The following UGT1A9 variants were observed in gnomAD, a reference collection of about 807,000 sequenced individuals.
UGT1A9 encodes UDP glucuronosyltransferase family 1 member A9.
A neutral mutation model predicts 45.0 loss-of-function variants in UGT1A9; 35 were observed. The ratio of observed to expected loss-of-function variants is 0.78; its 90% confidence interval spans 0.59 to 1.03. The LOEUF is 1.03. Among genes scored for constraint, UGT1A9 ranks in the 50% least tolerant of loss-of-function variants. The pLI, the probability that UGT1A9 is intolerant of heterozygous loss-of-function variation, is 0.00. For synonymous variants in UGT1A9, 278 were observed against 250.6 expected (o/e 1.11, Z -1.03); for missense variants, 687 against 666.6 (o/e 1.03, Z -0.34).
In UGT1A9 at chr2:233,746,936, G is replaced by T. The variant is rs185798867; in HGVS notation, c.856-20098G>T. 1.2e-3 allele frequency among the ~76,000 whole-genome samples: 184 copies of T among 151,904 alleles called. 4 individuals carry two copies. Among genetic ancestry groups the T allele is most frequent in the African/African-American group, 4.2e-3 (172 of 41,190 alleles). ...TTCCACAGGCCTTTGTTGGGAATTGGATGAGAAACAAGAGCTTGAACTTGG... is the reference window on the plus strand; with the variant it reads ...TTCCACAGGCCTTTGTTGGGAATTGTATGAGAAACAAGAGCTTGAACTTGG... On this transcript the variant is annotated intron_variant, in intron 1 of 4. Transcript: ENST00000354728.
intron 1 of UGT1A9, among the ~76,000 whole-genome samples, chr2:233,749,644 T>C (rs1173811229): frequency 2.6e-5 from 4 of 151,860 alleles, no homozygotes; most frequent in Non-Finnish European, 5.9e-5. Flanking sequence ...CCAAATCTCA[T>C]CTTGAATTGT....
intron 1 of UGT1A9, chr2:233,755,063 G>A (rs776771090): frequency 2.2e-6 from 3 of 1,334,780 alleles, no homozygotes; most frequent in South Asian, 1.1e-5. Flanking sequence ...CCCTCGCCTC[G>A]CCATAGCGGT....
At chr2:233,713,274 G>A in intron 1 of UGT1A9, 1 of 1,614,182 alleles carries the variant, frequency 6.2e-7, no homozygotes, top group Non-Finnish European at 8.5e-7. Flanking sequence ...CCTTTTGCTG[G>A]GTCACACTCA....
intron 1 of UGT1A9, among the ~76,000 whole-genome samples, chr2:233,684,397 A>C (rs1054221073): frequency 3.9e-5 from 6 of 152,076 alleles, no homozygotes; most frequent in African/African-American, 1.2e-4. Context: ...ACCAGCCATC[A>C]CTCAGGTATT....
intron 1 of UGT1A9, among the ~76,000 whole-genome samples, chr2:233,738,050 G>C (rs1314850811): frequency 6.6e-6 from 1 of 152,082 alleles, no homozygotes; most frequent in Non-Finnish European, 1.5e-5. Flanking sequence ...TTGAGGACAG[G>C]ACATGGTGGG....
chr2:233,765,939 C>T (rs570894932), intron 1 of UGT1A9, among the ~76,000 whole-genome samples: 8 of 152,214 alleles, frequency 5.3e-5, no homozygotes, highest in African/African-American at 1.7e-4. Flanking sequence ...GGTTGTGGGG[C>T]TCTGACCTCA....
At chr2:233,755,199 C>A (rs1448845057) in intron 1 of UGT1A9, 6 of 1,106,350 alleles carry the variant, frequency 5.4e-6, no homozygotes, top group South Asian at 1.2e-5. Flanking sequence ...CGCCAGCTTG[C>A]GGTACGCCTT....
At chr2:233,708,407 T>G (rs2076017107) in intron 1 of UGT1A9, 1 of 152,202 alleles carries the variant, frequency 6.6e-6, no homozygotes, top group South Asian at 2.1e-4. Context: ...TTCATCAAGT[T>G]GTTTCACCAG....
intron 1 of UGT1A9, among the ~76,000 whole-genome samples, chr2:233,695,217 C>T (rs1474922395): frequency 6.6e-6 from 1 of 151,690 alleles, no homozygotes; most frequent in East Asian, 1.9e-4. Context: ...CCTCCACCTC[C>T]TGGGTTCAAG....
At chr2:233,707,017 G>A (rs2075935738) in intron 1 of UGT1A9, among the ~76,000 whole-genome samples, 1 of 152,116 alleles carries the variant, frequency 6.6e-6, no homozygotes, top group African/African-American at 2.4e-5. Flanking sequence ...AGGATCCATG[G>A]TCAGCCAGCC....
intron 1 of UGT1A9, chr2:233,742,614 C>T (rs1692039877): frequency 6.6e-6 from 1 of 151,940 alleles, no homozygotes; most frequent in Admixed American, 6.5e-5. Context: ...TGGAGAACCA[C>T]GTTCAGGCTG....
intron 1 of UGT1A9, among the ~76,000 whole-genome samples, chr2:233,726,402 T>A (rs1404707610): frequency 6.6e-6 from 1 of 152,206 alleles, no homozygotes; most frequent in Non-Finnish European, 1.5e-5. Flanking sequence ...AGTCTTTTGA[T>A]GTCAGCATTC....
chr2:233,766,832 C>T (rs1042829925), intron 1 of UGT1A9, among the ~76,000 whole-genome samples: 12 of 152,168 alleles, frequency 7.9e-5, no homozygotes, highest in African/African-American at 2.9e-4. Context: ...ATTCTGTAAG[C>T]AGGAACCCTT....
chr2:233,751,985 A>C (rs1248686220), intron 1 of UGT1A9, among the ~76,000 whole-genome samples: 1 of 152,196 alleles, frequency 6.6e-6, no homozygotes, highest in Non-Finnish European at 1.5e-5. Flanking sequence ...ATGAATCTGC[A>C]TTTATTGAGA....
chr2:233,673,498 A>T (rs570571903), intron 1 of UGT1A9, among the ~76,000 whole-genome samples: 1 of 152,234 alleles, frequency 6.6e-6, no homozygotes, highest in East Asian at 1.9e-4. Context: ...ATCTTAGTTG[A>T]CTAGAGCCCT....
chr2:233,737,540 C>T (rs191771735), intron 1 of UGT1A9, among the ~76,000 whole-genome samples: 164 of 152,332 alleles, frequency 1.1e-3, no homozygotes, highest in East Asian at 4.4e-3. Flanking sequence ...TGCCCTGCTT[C>T]GGCTTGCCCT....
rs201446096 is a variant in UGT1A9, at chr2:233,743,635, G to A, written c.856-23399G>A. On this transcript the variant is annotated intron_variant, in intron 1 of 4. Transcript: ENST00000354728. ...ACTCCCTGAAGACGTCGGCTGGGTC[G>A]CGGAAGCTGAAGACGTACTCGAAGG... 1.1e-3 allele frequency: 1,545 copies of A among 1,367,290 alleles called. 32 individuals are homozygous for A. In the South Asian group the frequency reaches 0.016, roughly 14 times the overall value. 84.7% of individuals were successfully genotyped at this position (1,367,290 alleles called of 1,614,324 possible).
At position 233,747,373 on chromosome 2, in the gene UGT1A9, G is replaced by A. The variant is rs565595947; in HGVS notation, c.856-19661G>A. 4.2e-4 allele frequency: 670 copies of A among 1,604,600 alleles called. 2 individuals are homozygous for A. The highest frequency in any genetic ancestry group is 5.4e-4 in the Non-Finnish European group (630 of 1,172,902). ...GAGGCCGTGCGGGAGCTCCATGCCAGAGGCCACCAGGCGGTGGTCCTCACC... is the reference window on the plus strand; with the variant it reads ...GAGGCCGTGCGGGAGCTCCATGCCAAAGGCCACCAGGCGGTGGTCCTCACC... On this transcript the variant is annotated intron_variant, in intron 1 of 4. Coordinates refer to ENST00000354728, the MANE Select transcript of UGT1A9 (RefSeq NM_021027.3).
chr2:233,677,055 T>TA (rs1479712417), intron 1 of UGT1A9, among the ~76,000 whole-genome samples: 2 of 152,334 alleles, frequency 1.3e-5, no homozygotes, highest in South Asian at 4.1e-4. Flanking sequence ...ATATGCATTT[T>TA]AAAATAAGTT....
Sources: gnomAD v4.1 joint callset for allele counts (sites outside exome capture counted in the v4.1 genomes callset) on GRCh38, gnomAD v4.1.1 for gene constraint, MANE v1.5 for transcripts, NCBI Gene and HGNC (gene_info 2026-07-23, HGNC 2026-07-21) for gene names.